The following PCBP3 variants were observed in gnomAD, a reference collection of about 807,000 sequenced individuals.
PCBP3 encodes the protein poly(rC) binding protein 3, also known as poly(rC)-binding protein 3.
Under a neutral mutation model 52.7 loss-of-function variants are expected in PCBP3, and 25 were observed. The ratio of observed to expected loss-of-function variants is 0.47; its 90% CI spans 0.35 to 0.66. The LOEUF is 0.66. Ranked by LOEUF, PCBP3 falls within the 30% of genes least tolerant of loss-of-function variation. PCBP3 has a pLI of 0.01. For missense variants in PCBP3, 391 were observed against 490.3 expected, an observed-to-expected ratio of 0.80 and a Z score of 1.91; for synonymous variants, 162 against 183.0, an observed-to-expected ratio of 0.89 and a Z score of 0.93.
At chr21:45,814,809 AG>A (rs2092814590) in intron 4 of PCBP3, among the ~76,000 whole-genome samples, 1 of 59,194 alleles carries the variant, frequency 1.7e-5, no homozygotes, top group African/African-American at 7.2e-5. Context: ...GTGAGTGGTG[AG>A]TGAGTGGTGA....
chr21:45,898,171 T>A (rs1445923573), intron 6 of PCBP3, among the ~76,000 whole-genome samples: 1 of 152,178 alleles, frequency 6.6e-6, no homozygotes, highest in East Asian at 1.9e-4. Context: ...TGAGGCCAGG[T>A]GCACGGCCCC....
chr21:45,773,159 A>C (rs746791184), intron 4 of PCBP3, among the ~76,000 whole-genome samples: 1 of 152,140 alleles, frequency 6.6e-6, no homozygotes, highest in Non-Finnish European at 1.5e-5. Context: ...GCCTAGACCA[A>C]TGTCCGGGAG....
intron 5 of PCBP3, chr21:45,893,760 G>A: frequency 1.0e-6 from 1 of 985,468 alleles, no homozygotes; most frequent in Non-Finnish European, 1.2e-6. Flanking sequence ...AGCTCTGCCT[G>A]TTTCTGGAAC....
intron 4 of PCBP3, among the ~76,000 whole-genome samples, chr21:45,758,294 T>G (rs1344769886): frequency 6.6e-6 from 1 of 152,248 alleles, no homozygotes; most frequent in African/African-American, 2.4e-5. Flanking sequence ...ACTATTTTTT[T>G]TTGTCATTGT....
chr21:45,732,443 C>A (rs1348411439), intron 2 of PCBP3, among the ~76,000 whole-genome samples: 1 of 150,840 alleles, frequency 6.6e-6, no homozygotes, highest in Non-Finnish European at 1.5e-5. Context: ...GCAAGAGCAG[C>A]AAATGAGTAG....
At chr21:45,785,148 C>T (rs1196972485) in intron 4 of PCBP3, among the ~76,000 whole-genome samples, 1 of 150,652 alleles carries the variant, frequency 6.6e-6, no homozygotes, top group Admixed American at 6.6e-5. Context: ...TGCCTGGCAA[C>T]CGCCCTGTCT....
At chr21:45,806,992 T>G (rs2092526814) in intron 4 of PCBP3, among the ~76,000 whole-genome samples, 1 of 152,230 alleles carries the variant, frequency 6.6e-6, no homozygotes, top group South Asian at 2.1e-4. Flanking sequence ...AATTTTATAT[T>G]TGTGTTGCAT....
chr21:45,664,029 T>C (rs954008180), intron 1 of PCBP3, among the ~76,000 whole-genome samples: 4 of 96,494 alleles, frequency 4.1e-5, no homozygotes, highest in African/African-American at 1.8e-4. Flanking sequence ...TCTTTTTTTT[T>C]TTTTAACTGT....
At position 45,821,018 on chromosome 21, in the gene PCBP3, G is replaced by T. The variant is rs2093119188; in HGVS notation, c.-125-28943G>T. Among the ~76,000 whole-genome samples the T allele has an allele frequency of 6.6e-6, 1 of 152,134 alleles. No homozygotes were observed. Among genetic ancestry groups the T allele is most frequent in the South Asian group, 2.1e-4 (1 of 4,828 alleles). On this transcript the variant is annotated intron_variant, in intron 4 of 17. Coordinates refer to ENST00000681687, the MANE Select transcript of PCBP3 (RefSeq NM_001384156.1). The surrounding 1 kb of genome is among the most constrained non-coding windows in gnomAD (Gnocchi z 4.4). ...AGAGGAGACCCGGCCCCTCGTCCTT[G>T]TCCATCCATGTGGCTTCTGCAAAGC...
At chr21:45,758,182 A>G (rs1318774088) in intron 4 of PCBP3, among the ~76,000 whole-genome samples, 3 of 152,192 alleles carry the variant, frequency 2.0e-5, no homozygotes, top group East Asian at 1.9e-4. Flanking sequence ...TGGCCAGTCT[A>G]TGTATATTCT....
At chr21:45,929,815 T>TTCTA (rs996193098) in intron 13 of PCBP3, 102 bp from the exon 14 acceptor site, 1 of 856,924 alleles carries the variant, frequency 1.2e-6, no homozygotes, top group Non-Finnish European at 2.0e-6. Flanking sequence ...ATGGCCCTCT[T>TTCTA]TCTATCTATC....
chr21:45,764,478 T>C (rs1006564510), intron 4 of PCBP3, among the ~76,000 whole-genome samples: 4 of 152,174 alleles, frequency 2.6e-5, no homozygotes, highest in Non-Finnish European at 5.9e-5. Flanking sequence ...AAGCTGGCTG[T>C]GTATTAGTTA....
At chr21:45,769,694 C>A (rs2089693359) in intron 4 of PCBP3, among the ~76,000 whole-genome samples, 2 of 152,216 alleles carry the variant, frequency 1.3e-5, no homozygotes, top group African/African-American at 4.8e-5. Context: ...TCCTAAAGTC[C>A]TGCATTTCTG....
At position 45,852,269 on chromosome 21, in the gene PCBP3, G is replaced by A. The variant is rs541728452; in HGVS notation, c.10+2174G>A. On this transcript the variant is annotated intron_variant, in intron 5 of 17. Transcript: ENST00000681687. ...AAGCTTAAAAAAAGCTGACGGCTTC[G>A]AAGGTCGAGGCAAGGAACGTGGCCT... 2.0e-3 allele frequency among the ~76,000 whole-genome samples: 308 copies of A among 152,342 alleles called. 2 individuals are homozygous for A. Among genetic ancestry groups the A allele is most frequent in the African/African-American group, 6.9e-3 (288 of 41,570 alleles).
At chr21:45,712,714 T>C (rs1388075485) in intron 2 of PCBP3, among the ~76,000 whole-genome samples, 1 of 151,690 alleles carries the variant, frequency 6.6e-6, no homozygotes, top group African/African-American at 2.4e-5. Flanking sequence ...TTTTTTTTTT[T>C]CCTATTGAGA....
intron 5 of PCBP3, among the ~76,000 whole-genome samples, chr21:45,874,250 A>C (rs145033769): frequency 6.2e-4 from 95 of 152,326 alleles, no homozygotes; most frequent in African/African-American, 2.2e-3. Context: ...GAACTGATTA[A>C]TTTTTCCTGT....
chr21:45,675,496 G>C (rs2081408191), intron 2 of PCBP3, among the ~76,000 whole-genome samples: 1 of 152,212 alleles, frequency 6.6e-6, no homozygotes, highest in African/African-American at 2.4e-5. Flanking sequence ...GGATAAAAAT[G>C]TGACCCACTG....
intron 4 of PCBP3, among the ~76,000 whole-genome samples, chr21:45,772,513 T>C (rs2089952269): frequency 6.6e-6 from 1 of 152,234 alleles, no homozygotes. Flanking sequence ...TGAATAGTAC[T>C]GCAATAAACA....
intron 5 of PCBP3, among the ~76,000 whole-genome samples, chr21:45,874,364 C>A (rs900946821): frequency 6.6e-6 from 1 of 152,162 alleles, no homozygotes; most frequent in South Asian, 2.1e-4. Context: ...AATATGTTTT[C>A]TAATTCTCGG....
Sources: allele counts gnomAD v4.1 joint callset (sites outside exome capture counted in the v4.1 genomes callset), GRCh38; gene constraint gnomAD v4.1.1; non-coding constraint Gnocchi (gnomAD v3.1); transcripts MANE v1.5; gene names NCBI Gene and HGNC (gene_info 2026-07-23, HGNC 2026-07-21).